Variants in HEXB observed in about 807,000 individuals in gnomAD.
HEXB encodes the protein beta-hexosaminidase subunit beta.
In HEXB, 51 loss-of-function variants were observed where a neutral mutation model predicts 71.2. That is an observed-to-expected ratio of 0.72 (90% CI 0.57 to 0.90). The LOEUF (loss-of-function observed/expected upper bound fraction) is 0.90, where lower values mean the gene tolerates loss of function less well. Among genes scored for constraint, HEXB ranks in the 40% least tolerant of loss-of-function variants. HEXB has a pLI of 0.00. For synonymous variants in HEXB, 266 were observed against 249.3 expected, an observed-to-expected ratio of 1.07 and a Z score of -0.63; for missense variants, 617 against 677.0, an observed-to-expected ratio of 0.91 and a Z score of 0.98.
At chr5:74,668,198 T>A (rs1197182278) in intron 1 of HEXB, among the ~76,000 whole-genome samples, 3 of 138,604 alleles carry the variant, frequency 2.2e-5, no homozygotes, top group South Asian at 2.3e-4. Context: ...CTAGGTTTTT[T>A]ATTTTATTTT....
Position 74,645,944 on chromosome 5 carries a change from G to A in HEXB, c.-377+5386G>A, listed in dbSNP as rs1321164376. ...TCCATTTAAGTTCCATTCTTCCTAT[G>A]TCTGCATACTATTTTTTTTTAACAG... is the stretch of plus-strand genomic sequence containing the variant. On this transcript the variant is annotated intron_variant, in intron 1 of 13. Coordinates refer to the HEXB transcript ENST00000511181. 3.7e-5 allele frequency among the ~76,000 whole-genome samples: 4 copies of A among 108,834 alleles called. No individual in the cohort carries two copies. The East Asian group carries it at 9.8e-4, about 27-fold the overall frequency. The allele number at this position is 108,834 out of a possible 152,430, so 71.4% of individuals were successfully genotyped here. A position where few individuals can be genotyped will look rare whatever the true frequency, so the allele number is the denominator to read the frequency against.
upstream of HEXB, among the ~76,000 whole-genome samples, chr5:74,683,852 T>C (rs1748786041): frequency 6.6e-6 from 1 of 150,766 alleles, no homozygotes; most frequent in South Asian, 2.1e-4. Flanking sequence ...TGGAGTCTTG[T>C]TCTTGTTGCC....
At chr5:74,709,073 A>G (rs1749475705) in intron 6 of HEXB, among the ~76,000 whole-genome samples, 1 of 152,126 alleles carries the variant, frequency 6.6e-6, no homozygotes, top group Non-Finnish European at 1.5e-5. Flanking sequence ...GTAAAAGAAC[A>G]GAAATTATAA....
intron 1 of HEXB, among the ~76,000 whole-genome samples, chr5:74,669,096 A>G (rs1748487455): frequency 6.6e-6 from 1 of 152,020 alleles, no homozygotes; most frequent in South Asian, 2.1e-4. Flanking sequence ...GGATGACAGG[A>G]GCACACCACC....
At chr5:74,667,186 A>G (rs820852) in intron 1 of HEXB, among the ~76,000 whole-genome samples, 100,210 of 151,758 alleles carry the variant, frequency 0.66, 34,261 homozygotes, top group African/African-American at 0.85. Context: ...AGGCCGAGGC[A>G]GGCAGATCAC....
At chr5:74,655,308 TA>T (rs1748196860) in intron 1 of HEXB, among the ~76,000 whole-genome samples, 1 of 128,724 alleles carries the variant, frequency 7.8e-6, no homozygotes, top group African/African-American at 2.9e-5. Context: ...CTTCAAGCAT[TA>T]AACTTTTTTT....
intron 6 of HEXB, among the ~76,000 whole-genome samples, chr5:74,708,948 G>A (rs1749472339): frequency 6.6e-6 from 1 of 152,148 alleles, no homozygotes; most frequent in South Asian, 2.1e-4. Flanking sequence ...GAACCTAATA[G>A]ACATCTACAG....
chr5:74,689,147 G>A (rs1239898789), intron 1 of HEXB, among the ~76,000 whole-genome samples, 181 bp from the exon 2 acceptor site: 2 of 152,178 alleles, frequency 1.3e-5, no homozygotes, highest in Non-Finnish European at 2.9e-5. Flanking sequence ...AGGCATGGAC[G>A]TTGGGATTTT....
At chr5:74,704,710 CA>C (rs1353189391) in intron 5 of HEXB, among the ~76,000 whole-genome samples, 1 of 152,212 alleles carries the variant, frequency 6.6e-6, no homozygotes, top group Non-Finnish European at 1.5e-5. Context: ...ATAAATACAA[CA>C]TCTCCAGAGG....
chr5:74,711,058 A>G (rs201902362), intron 6 of HEXB, among the ~76,000 whole-genome samples: 3 of 147,056 alleles, frequency 2.0e-5, no homozygotes, highest in African/African-American at 7.6e-5. Context: ...CAGTAACCAA[A>G]ACAGCATGGT....
intron 1 of HEXB, among the ~76,000 whole-genome samples, chr5:74,645,130 A>T (rs930710823): frequency 6.6e-6 from 1 of 151,492 alleles, no homozygotes; most frequent in Admixed American, 6.6e-5. Context: ...TTAACATTTC[A>T]GTTGCTTCCT....
At chr5:74,720,583 A>G in intron 12 of HEXB, 60 bp from the exon 13 acceptor site, 1 of 1,597,130 alleles carries the variant, frequency 6.3e-7, no homozygotes, top group Non-Finnish European at 8.6e-7. Flanking sequence ...CTGTCTAAAC[A>G]CAAAAGTGCT....
At chr5:74,694,874 G>A (rs1269314145) in intron 3 of HEXB, among the ~76,000 whole-genome samples, 2 of 152,044 alleles carry the variant, frequency 1.3e-5, no homozygotes, top group East Asian at 3.9e-4. Context: ...GGAGGGTGAG[G>A]CAGGAGAATT....
chr5:74,686,133 G>T (rs1748866290), intron 1 of HEXB, among the ~76,000 whole-genome samples: 1 of 152,002 alleles, frequency 6.6e-6, no homozygotes, highest in Non-Finnish European at 1.5e-5. Flanking sequence ...CGTTTCTGCG[G>T]TCAGTGGTTA....
intron 1 of HEXB, among the ~76,000 whole-genome samples, chr5:74,642,197 AAGAC>A (rs1248304401): frequency 3.3e-5 from 5 of 152,196 alleles, no homozygotes; most frequent in Non-Finnish European, 7.3e-5. Context: ...CAAACAAAGA[AAGAC>A]AGTGCCCTCT....
At position 74,685,237 on chromosome 5, in the gene HEXB, C is replaced by T. The variant is rs1748829866; in HGVS notation, c.-24C>T. The T allele has an allele frequency of 2.0e-6, 3 of 1,488,736 alleles. No individual in the cohort carries two copies. The highest frequency in any genetic ancestry group is 1.5e-5 in the African/African-American group (1 of 68,462). The allele number at this position is 1,488,736 out of a possible 1,614,324, so 92.2% of individuals were successfully genotyped here. On this transcript the variant is annotated 5_prime_UTR_variant, in exon 1 of 14. Coordinates refer to ENST00000261416, the MANE Select transcript of HEXB (RefSeq NM_000521.4). ...GTCCCGAGGCTCCGGCTCGGCAGAC[C>T]GGGCGGAAAGCAGCCGAGCGGCCAT...
At chr5:74,685,141 C>A, upstream of HEXB, 2 of 1,073,540 alleles carry the variant, frequency 1.9e-6, no homozygotes, top group Non-Finnish European at 2.5e-6. Flanking sequence ...GGGGCGGGCG[C>A]GCGCAGTCAT....
chr5:74,688,199 C>G (rs1187699388), intron 1 of HEXB, among the ~76,000 whole-genome samples: 1 of 150,264 alleles, frequency 6.7e-6, no homozygotes, highest in Non-Finnish European at 1.5e-5. Context: ...TTAATATTCT[C>G]TGATTTTTGG....
chr5:74,720,534 G>A lies in HEXB; in HGVS notation c.1508+16G>A. ...CAAGATTATGGTATGGGATTTACCT[G>A]ATAACATTTAAGAATTAAGGTGCCT... On this transcript the variant is annotated intron_variant, in intron 12 of 13. Coordinates refer to ENST00000261416, the MANE Select transcript of HEXB (RefSeq NM_000521.4). The A allele has an allele frequency of 6.2e-7, 1 of 1,600,506 alleles. No individual in the cohort carries two copies. The highest frequency in any genetic ancestry group is 1.1e-5 in the South Asian group (1 of 90,826).
Sources: gnomAD v4.1 joint callset for allele counts (sites outside exome capture counted in the v4.1 genomes callset) on GRCh38, gnomAD v4.1.1 for gene constraint, MANE v1.5 for transcripts, NCBI Gene and HGNC (gene_info 2026-07-23, HGNC 2026-07-21) for gene names.